Variants in KHDRBS2 observed in about 807,000 individuals in gnomAD.
KHDRBS2 encodes the protein KH domain-containing, RNA-binding, signal transduction-associated protein 2.
Under a neutral mutation model 44.3 loss-of-function variants are expected in KHDRBS2, and 26 were observed. That is an observed-to-expected ratio of 0.59 (90% CI 0.43 to 0.81). The LOEUF (loss-of-function observed/expected upper bound fraction) is 0.81. Ranked by LOEUF, KHDRBS2 falls within the 40% of genes least tolerant of loss-of-function variation. The probability of loss-of-function intolerance (pLI) is 0.00; values close to 1 mark genes in which losing one functional copy is unlikely to be tolerated. For missense variants in KHDRBS2, 476 were observed against 433.1 expected, an observed-to-expected ratio of 1.10 and a Z score of -0.88; for synonymous variants, 194 against 151.1, an observed-to-expected ratio of 1.28 and a Z score of -2.08.
intron 4 of KHDRBS2, among the ~76,000 whole-genome samples, chr6:61,933,414 C>CA (rs1252821298): frequency 6.6e-6 from 1 of 152,024 alleles, no homozygotes; most frequent in Admixed American, 6.5e-5. Flanking sequence ...ACTAGTGCTG[C>CA]AAAAAACATA....
At chr6:61,545,880 A>C in the KHDRBS2 span, among the ~76,000 whole-genome samples, 1 of 152,084 alleles carries the variant, frequency 6.6e-6, no homozygotes, top group Non-Finnish European at 1.5e-5. Flanking sequence ...CCAGGTAAGC[A>C]CAGAGAAGGC....
chr6:61,884,773 A>G (rs893395963), intron 6 of KHDRBS2, among the ~76,000 whole-genome samples: 3 of 152,030 alleles, frequency 2.0e-5, no homozygotes, highest in African/African-American at 7.2e-5. Flanking sequence ...TAAGCACAGA[A>G]CAGACTTTTA....
At chr6:62,207,754 T>TA (rs1828256113) in intron 1 of KHDRBS2, among the ~76,000 whole-genome samples, 1 of 152,160 alleles carries the variant, frequency 6.6e-6, no homozygotes, top group African/African-American at 2.4e-5. Flanking sequence ...ATACAAAGAT[T>TA]AAAACGATAC....
intron 1 of KHDRBS2, among the ~76,000 whole-genome samples, chr6:62,270,951 C>T (rs1050318112): frequency 2.6e-5 from 4 of 152,038 alleles, no homozygotes; most frequent in African/African-American, 9.7e-5. Context: ...TTTGACTTTA[C>T]CTACCATGTT....
At chr6:61,812,662 C>T (rs1788306119) in intron 6 of KHDRBS2, among the ~76,000 whole-genome samples, 1 of 151,986 alleles carries the variant, frequency 6.6e-6, no homozygotes, top group African/African-American at 2.4e-5. Context: ...TAATACATTT[C>T]ACATAGTCAA....
chr6:61,869,964 GTTTTTTTTTTTTTT>G (rs59518436), intron 6 of KHDRBS2, among the ~76,000 whole-genome samples: 1 of 108,980 alleles, frequency 9.2e-6, no homozygotes, highest in African/African-American at 3.8e-5. Flanking sequence ...CTGCAGGAGT[GTTTTTTTTTTTTTT>G]TTTTTTTTTC....
intron 3 of KHDRBS2, among the ~76,000 whole-genome samples, chr6:62,047,532 G>C (rs1295332904): frequency 1.3e-5 from 2 of 151,694 alleles, no homozygotes; most frequent in Admixed American, 6.6e-5. Flanking sequence ...TGATATGATT[G>C]AAGAAAGAAA....
At chr6:61,971,154 T>C (rs1159249089) in intron 4 of KHDRBS2, among the ~76,000 whole-genome samples, 2 of 152,114 alleles carry the variant, frequency 1.3e-5, no homozygotes, top group Admixed American at 6.6e-5. Flanking sequence ...TACTTGTATT[T>C]TAAGGCATTG....
At chr6:61,591,544 C>T in the KHDRBS2 span, among the ~76,000 whole-genome samples, 10 of 152,036 alleles carry the variant, frequency 6.6e-5, no homozygotes, top group South Asian at 2.1e-4. Context: ...AGCTGTATCT[C>T]GTGCACCTAG....
intron 6 of KHDRBS2, among the ~76,000 whole-genome samples, chr6:61,758,670 A>C (rs1306412066): frequency 6.6e-6 from 1 of 152,072 alleles, no homozygotes; most frequent in Non-Finnish European, 1.5e-5. Context: ...ACTTTTCCAA[A>C]AATAGAGTCC....
At chr6:61,768,732 A>G (rs1780375937) in intron 6 of KHDRBS2, among the ~76,000 whole-genome samples, 1 of 152,052 alleles carries the variant, frequency 6.6e-6, no homozygotes, top group Non-Finnish European at 1.5e-5. Flanking sequence ...GAGTAGTGTC[A>G]ACTATTCAAG....
chr6:61,662,468 A>G, the KHDRBS2 span, among the ~76,000 whole-genome samples: 2 of 152,126 alleles, frequency 1.3e-5, no homozygotes, highest in African/African-American at 4.8e-5. Flanking sequence ...GGCAACCTAC[A>G]GAATGGGAGA....
chr6:61,592,453 C>T, the KHDRBS2 span, among the ~76,000 whole-genome samples: 1 of 152,130 alleles, frequency 6.6e-6, no homozygotes, highest in South Asian at 2.1e-4. Flanking sequence ...TAGCAGACCT[C>T]AGAAAGAATA....
At chr6:62,142,916 A>C (rs536158126) in intron 2 of KHDRBS2, among the ~76,000 whole-genome samples, 1 of 149,514 alleles carries the variant, frequency 6.7e-6, no homozygotes, top group African/African-American at 2.5e-5. Flanking sequence ...TTTGTGTTTC[A>C]ATGATTTGTA....
chr6:61,573,097 A>G, the KHDRBS2 span, among the ~76,000 whole-genome samples: 1 of 152,198 alleles, frequency 6.6e-6, no homozygotes, highest in Non-Finnish European at 1.5e-5. Flanking sequence ...AAGCTCCTAG[A>G]TCTGATAAAT....
At chr6:62,239,096 A>T (rs1834168015) in intron 1 of KHDRBS2, among the ~76,000 whole-genome samples, 1 of 152,200 alleles carries the variant, frequency 6.6e-6, no homozygotes, top group Admixed American at 6.5e-5. Flanking sequence ...TTAAAAATGG[A>T]CTATGTAAAT....
the KHDRBS2 span, among the ~76,000 whole-genome samples, chr6:61,559,596 G>A: frequency 5.4e-3 from 822 of 152,140 alleles, 8 homozygotes; most frequent in Non-Finnish European, 4.9e-3. Flanking sequence ...TTCATTTGAA[G>A]TAACCATGAA....
chr6:61,823,035 C>T (rs1357525208), intron 6 of KHDRBS2, among the ~76,000 whole-genome samples: 1 of 151,868 alleles, frequency 6.6e-6, no homozygotes, highest in Non-Finnish European at 1.5e-5. Flanking sequence ...GACACAATGC[C>T]TAGGTTAACA....
intron 7 of KHDRBS2, among the ~76,000 whole-genome samples, chr6:61,727,204 G>T (rs185540577): frequency 2.6e-5 from 4 of 152,272 alleles, no homozygotes; most frequent in Non-Finnish European, 4.4e-5. Flanking sequence ...TTAATAAATG[G>T]TTCTGGTAGA....
Sources: gnomAD v4.1 joint callset for allele counts (sites outside exome capture counted in the v4.1 genomes callset) on GRCh38, gnomAD v4.1.1 for gene constraint, MANE v1.5 for transcripts, NCBI Gene and HGNC (gene_info 2026-07-23, HGNC 2026-07-21) for gene names.